The following ARHGEF3 variants were observed in gnomAD, a reference collection of about 807,000 sequenced individuals.
ARHGEF3 encodes 59.8 kDA protein.
A neutral mutation model predicts 63.2 loss-of-function variants in ARHGEF3; 28 were observed. The observed-to-expected ratio is 0.44, with a 90% CI of 0.33 to 0.61. The LOEUF (loss-of-function observed/expected upper bound fraction) is 0.61. Ranked by LOEUF, ARHGEF3 falls within the 20% of genes least tolerant of loss-of-function variation. The pLI is 0.03. For synonymous variants in ARHGEF3, 266 were observed against 254.2 expected (o/e 1.05, Z -0.44); for missense variants, 533 against 659.3 (o/e 0.81, Z 2.10).
At chr3:57,020,731 C>T (rs1437621591) in intron 2 of ARHGEF3, among the ~76,000 whole-genome samples, 2 of 152,236 alleles carry the variant, frequency 1.3e-5, no homozygotes, top group African/African-American at 4.8e-5. Flanking sequence ...GCCTAATCGA[C>T]ACTGAGCCCC....
In ARHGEF3 at chr3:56,792,119, AAAAG is replaced by A. The variant is rs1311181306; in HGVS notation, c.96+9580_96+9583del. Among the ~76,000 whole-genome samples, 7 of 127,018 alleles carry A rather than the reference AAAAG, an allele frequency of 5.5e-5. No individual in the cohort carries two copies. The South Asian group carries it at 1.6e-3, about 29-fold the overall frequency. The allele number at this position is 127,018 out of a possible 152,430, so 83.3% of individuals were successfully genotyped here. A position where few individuals can be genotyped will look rare whatever the true frequency, so the allele number is the denominator to read the frequency against. Reference sequence around the variant, plus strand: ...ACTCTGTCTCAAAAAAAAAAAAAAGAAAAGAAAAGAAAAGAAAAGAAAAGAAAAT... The same window carrying A: ...ACTCTGTCTCAAAAAAAAAAAAAAGAAAAAGAAAAGAAAAGAAAAGAAAAT... On this transcript the variant is annotated intron_variant, in intron 1 of 9. Coordinates refer to ENST00000296315, the MANE Select transcript of ARHGEF3 (RefSeq NM_019555.3).
chr3:57,026,848 T>C (rs1428931603), intron 2 of ARHGEF3, among the ~76,000 whole-genome samples: 3 of 152,218 alleles, frequency 2.0e-5, no homozygotes, highest in African/African-American at 7.2e-5. Flanking sequence ...GCCTTTATTG[T>C]CTCCTATCAC....
intron 2 of ARHGEF3, among the ~76,000 whole-genome samples, chr3:57,004,169 G>T (rs563514265): frequency 1.3e-5 from 2 of 152,144 alleles, no homozygotes; most frequent in African/African-American, 2.4e-5. Flanking sequence ...GAAGGTGTTC[G>T]GTCCACACAC....
chr3:56,937,244 A>G (rs911462933), intron 3 of ARHGEF3, among the ~76,000 whole-genome samples: 4 of 152,252 alleles, frequency 2.6e-5, no homozygotes, highest in Non-Finnish European at 4.4e-5. Context: ...TAGATGGAAT[A>G]TTAGAATGTT....
At chr3:56,794,488 C>CAAAA (rs10557985) in intron 1 of ARHGEF3, among the ~76,000 whole-genome samples, 351 of 116,190 alleles carry the variant, frequency 3.0e-3, no homozygotes, top group Non-Finnish European at 4.0e-3. Context: ...GACTCTATCT[C>CAAAA]AAAAAAAAAA....
intron 1 of ARHGEF3, among the ~76,000 whole-genome samples, chr3:57,075,899 C>T (rs1438663775): frequency 6.6e-6 from 1 of 152,196 alleles, no homozygotes; most frequent in Non-Finnish European, 1.5e-5. Context: ...CAAAGCTTGT[C>T]ACCAAACCTC....
At chr3:56,737,394 C>T in intron 7 of ARHGEF3, 39 bp from the exon 8 acceptor site, 3 of 1,548,870 alleles carry the variant, frequency 1.9e-6, no homozygotes, top group South Asian at 1.2e-5. Flanking sequence ...TGGAGGAAAG[C>T]AGCAAACCAT....
At chr3:56,983,093 G>T (rs1701389472) in intron 2 of ARHGEF3, among the ~76,000 whole-genome samples, 1 of 152,062 alleles carries the variant, frequency 6.6e-6, no homozygotes. Context: ...TAAATTTGAG[G>T]TACAAGTCAG....
intron 4 of ARHGEF3, among the ~76,000 whole-genome samples, chr3:56,879,781 T>G (rs2040706885): frequency 6.6e-6 from 1 of 152,158 alleles, no homozygotes; most frequent in Non-Finnish European, 1.5e-5. Flanking sequence ...AAGATAAAGT[T>G]CCTTTGAGTA....
At chr3:56,768,629 G>C (rs1357681358) in intron 2 of ARHGEF3, among the ~76,000 whole-genome samples, 1 of 133,552 alleles carries the variant, frequency 7.5e-6, no homozygotes, top group Non-Finnish European at 1.6e-5. Context: ...AAAGGGAGGA[G>C]GAAAATAGAG....
chr3:56,935,031 C>T (rs1289745506), intron 3 of ARHGEF3, among the ~76,000 whole-genome samples: 3 of 152,146 alleles, frequency 2.0e-5, no homozygotes, highest in Non-Finnish European at 4.4e-5. Context: ...ATGCACCAAT[C>T]GACACTCTGT....
At chr3:57,068,015 C>T (rs140849223) in intron 1 of ARHGEF3, among the ~76,000 whole-genome samples, 3,977 of 151,814 alleles carry the variant, frequency 0.026, 81 homozygotes, top group Non-Finnish European at 0.037. Flanking sequence ...AAACAAACAA[C>T]AACAAAAAAT....
At chr3:56,831,269 C>T (rs932905075) in intron 4 of ARHGEF3, among the ~76,000 whole-genome samples, 2 of 152,224 alleles carry the variant, frequency 1.3e-5, no homozygotes, top group African/African-American at 4.8e-5. Context: ...ACACCCTTAA[C>T]CTCCATTCTG....
chr3:56,775,034 G>A, intron 1 of ARHGEF3: 5 of 1,550,388 alleles, frequency 3.2e-6, no homozygotes, highest in Non-Finnish European at 4.4e-6. Context: ...ACCTGTAGTA[G>A]ATGCTAGACA....
At chr3:56,968,053 A>ATATATTATATAAAATATATATAATATAT (rs59922634) in intron 2 of ARHGEF3, among the ~76,000 whole-genome samples, 4 of 47,090 alleles carry the variant, frequency 8.5e-5, no homozygotes, top group African/African-American at 3.0e-4. Context: ...AATATATATA[A>ATATATTATATAAAATATATATAATATAT]TATATATAAT....
At chr3:56,975,784 T>A (rs1160007428) in intron 2 of ARHGEF3, 1 of 429,940 alleles carries the variant, frequency 2.3e-6, no homozygotes, top group Non-Finnish European at 4.5e-6. Context: ...GCAGAGCCAA[T>A]ACTGAGTTGG....
At chr3:56,911,117 A>G (rs1471525038) in intron 3 of ARHGEF3, among the ~76,000 whole-genome samples, 2 of 152,140 alleles carry the variant, frequency 1.3e-5, no homozygotes, top group African/African-American at 4.8e-5. Flanking sequence ...CTTGATCCTC[A>G]GATTCCTGAC....
intron 3 of ARHGEF3, among the ~76,000 whole-genome samples, chr3:56,890,698 A>G (rs2041090457): frequency 6.6e-6 from 1 of 152,142 alleles, no homozygotes; most frequent in Admixed American, 6.6e-5. Context: ...CACTTCTTTC[A>G]CAGAGACAAG....
chr3:56,729,772 C>T lies in ARHGEF3; in HGVS notation c.1229-150G>A, dbSNP rs190487164. 380 of 665,064 alleles carry T rather than the reference C, an allele frequency of 5.7e-4. 1 individual carries two copies. Among genetic ancestry groups the T allele is most frequent in the Non-Finnish European group, 7.9e-4 (312 of 395,098 alleles). The allele number at this position is 665,064 out of a possible 1,614,324, so 41.2% of individuals were successfully genotyped here. A position where few individuals can be genotyped will look rare whatever the true frequency, so the allele number is the denominator to read the frequency against. On this transcript the variant is annotated intron_variant, in intron 9 of 9. Coordinates refer to ENST00000296315, the MANE Select transcript of ARHGEF3 (RefSeq NM_019555.3). ...CCCACTGATCTGGGGCATGGCTCAGCTCCACCCTGCAGCCACCATCAGGGA... is the reference window on the plus strand; with the variant it reads ...CCCACTGATCTGGGGCATGGCTCAGTTCCACCCTGCAGCCACCATCAGGGA...
Sources: gnomAD v4.1 joint callset for allele counts (sites outside exome capture counted in the v4.1 genomes callset) on GRCh38, gnomAD v4.1.1 for gene constraint, MANE v1.5 for transcripts, NCBI Gene and HGNC (gene_info 2026-07-23, HGNC 2026-07-21) for gene names.